The following NCOA6 variants were observed in gnomAD, a reference collection of about 807,000 sequenced individuals.
NCOA6 encodes nuclear receptor coactivator 6.
Under a neutral mutation model 171.4 loss-of-function variants are expected in NCOA6, and 49 were observed. That is an observed-to-expected ratio of 0.29 (90% CI 0.23 to 0.36). The LOEUF (loss-of-function observed/expected upper bound fraction) is 0.36, where lower values mean the gene tolerates loss of function less well. NCOA6 is among the 10% of genes least tolerant of loss of function. The pLI is 1.00. For synonymous variants in NCOA6, 910 were observed against 927.5 expected (o/e 0.98, Z 0.34); for missense variants, 2,248 against 2,554.5 (o/e 0.88, Z 2.59).
intron 11 of NCOA6, among the ~76,000 whole-genome samples, chr20:34,737,033 C>T (rs1232411424): frequency 6.6e-6 from 1 of 152,114 alleles, no homozygotes; most frequent in Non-Finnish European, 1.5e-5. Flanking sequence ...GAACATAGCA[C>T]TCACATTTTC....
At chr20:34,800,030 C>T (rs1033338920) in intron 1 of NCOA6, among the ~76,000 whole-genome samples, 1 of 152,128 alleles carries the variant, frequency 6.6e-6, no homozygotes, top group African/African-American at 2.4e-5. Context: ...ATAATAACTA[C>T]ATCAACTTTT....
chr20:34,779,304 A>G (rs1031496958), intron 3 of NCOA6, among the ~76,000 whole-genome samples: 1 of 152,062 alleles, frequency 6.6e-6, no homozygotes, highest in African/African-American at 2.4e-5. Context: ...TGAGCTCAGG[A>G]GTTTGAGATC....
chr20:34,783,904 G>A (rs2077586538), intron 2 of NCOA6, among the ~76,000 whole-genome samples: 4 of 151,906 alleles, frequency 2.6e-5, no homozygotes, highest in African/African-American at 9.7e-5. Flanking sequence ...AATTACAGGC[G>A]TGAGCCACCT....
At chr20:34,784,318 G>A (rs1262121435) in intron 2 of NCOA6, among the ~76,000 whole-genome samples, 1 of 151,498 alleles carries the variant, frequency 6.6e-6, no homozygotes, top group Non-Finnish European at 1.5e-5. Flanking sequence ...TCAACCTCCT[G>A]GGCTCAAGTG....
chr20:34,752,406 C>T (rs1257680227), intron 8 of NCOA6, among the ~76,000 whole-genome samples: 1 of 152,124 alleles, frequency 6.6e-6, no homozygotes, highest in East Asian at 1.9e-4. Flanking sequence ...TCATTAAGTA[C>T]CTGATACATA....
intron 9 of NCOA6, 137 bp downstream of exon 9, chr20:34,749,266 T>C (rs1482418131): frequency 9.1e-7 from 1 of 1,099,092 alleles, no homozygotes; most frequent in Non-Finnish European, 1.3e-6. Context: ...CAAGACAGAC[T>C]ATGAGTTGAT....
chr20:34,793,874 T>C (rs1407111129), intron 1 of NCOA6, among the ~76,000 whole-genome samples: 2 of 152,082 alleles, frequency 1.3e-5, no homozygotes, highest in Non-Finnish European at 2.9e-5. Context: ...TTTGGACAAA[T>C]GTATAAAAAT....
At chr20:34,716,665 ACT>A in intron 14 of NCOA6, among the ~76,000 whole-genome samples, 1 of 152,040 alleles carries the variant, frequency 6.6e-6, no homozygotes, top group East Asian at 1.9e-4. Context: ...TGGGAGGATC[ACT>A]TGAGCCCAGG....
rs774494173 is a variant in NCOA6, at chr20:34,757,380, C to G, written c.1368G>C (p.Arg456Ser). 1.2e-6 allele frequency: 2 copies of G among 1,613,918 alleles called. No homozygotes were observed. Among genetic ancestry groups the G allele is most frequent in the Admixed American group, 1.7e-5 (1 of 59,996 alleles). ...VNQTQQQMGP[R>S]PPQNNPLPQG... ...GGGGAAGTGGGTTATTTTGAGGTGG[C>G]CTTGGTCCCATCTGCTGCTGAGTTT... is the stretch of plus-strand genomic sequence containing the variant. The change falls in exon 7 of 15, where the codon AGG (arginine) becomes AGC (serine). Residue 456 changes from arginine (R) to serine (S), a missense_variant. By Grantham distance (110) the Arg-to-Ser change is moderately radical. This residue lies in a region of NCOA6 where 987 missense variants were observed against 1,104.7 expected (regional missense o/e 0.89). Transcript: ENST00000359003.
chr20:34,824,858 T>C (rs2079104125), intron 1 of NCOA6, among the ~76,000 whole-genome samples: 1 of 152,094 alleles, frequency 6.6e-6, no homozygotes, highest in African/African-American at 2.4e-5. Context: ...CCAGCGTCTG[T>C]ACCCAAAGGG....
intron 12 of NCOA6, among the ~76,000 whole-genome samples, chr20:34,734,863 G>A (rs184646135): frequency 2.2e-4 from 34 of 152,074 alleles, no homozygotes; most frequent in Admixed American, 2.0e-3. Context: ...GGTCTGGGTG[G>A]TCTCAAACTC....
Position 34,757,851 on chromosome 20 carries a change from T to C in NCOA6, c.897A>G (p.Pro299=), listed in dbSNP as rs1170057045. 1.2e-6 allele frequency: 2 copies of C among 1,614,002 alleles called. No homozygotes were observed. Among genetic ancestry groups the C allele is most frequent in the African/African-American group, 2.7e-5 (2 of 74,902 alleles). The part of the protein sequence containing the change: ...RPPQQHQQQQ[P]QGIRPQFTAP... ...CAGTAAACTGGGGTCGAATTCCCTG[T>C]GGCTGTTGCTGCTGATGTTGCTGTG... Residue 299 remains proline, a synonymous_variant, in exon 7 of 15, where the codon CCA becomes CCG. Coordinates refer to ENST00000359003, the MANE Select transcript of NCOA6 (RefSeq NM_014071.5).
In NCOA6 at chr20:34,749,954, T is replaced by C. The variant is rs148514800; in HGVS notation, c.2241A>G (p.Pro747=). 7 of 1,614,088 alleles carry C rather than the reference T, an allele frequency of 4.3e-6. No individual in the cohort carries two copies. The highest frequency in any genetic ancestry group is 1.3e-5 in the African/African-American group (1 of 74,942). Reference sequence around the variant, plus strand: ...CCATATTTCCTTGCATGTTTGGAGTTGGTCCCCTCATTATCTGGGCTGGTC... The same window carrying C: ...CCATATTTCCTTGCATGTTTGGAGTCGGTCCCCTCATTATCTGGGCTGGTC... ...MPGPAQIMRG[P]TPNMQGNMVQ... The change falls in exon 9 of 15, where the codon CCA becomes CCG. Residue 747 remains proline, a synonymous_variant. Transcript: ENST00000359003.
intron 10 of NCOA6, among the ~76,000 whole-genome samples, chr20:34,745,346 A>T (rs1402278032): frequency 6.6e-6 from 1 of 152,220 alleles, no homozygotes; most frequent in Non-Finnish European, 1.5e-5. Flanking sequence ...AAGGCAATAA[A>T]TGTATACAAA....
At chr20:34,818,525 A>G (rs1456926775) in intron 1 of NCOA6, among the ~76,000 whole-genome samples, 2 of 152,284 alleles carry the variant, frequency 1.3e-5, no homozygotes, top group South Asian at 2.1e-4. Flanking sequence ...CAACACCCTT[A>G]TAACAATCCT....
intron 1 of NCOA6, among the ~76,000 whole-genome samples, chr20:34,808,961 G>C (rs1250901750): frequency 6.6e-6 from 1 of 152,180 alleles, no homozygotes; most frequent in Non-Finnish European, 1.5e-5. Context: ...GACAGAGAGA[G>C]AGGCAGCTGA....
Position 34,742,676 on chromosome 20 carries a change from C to T in NCOA6, c.3580G>A (p.Gly1194Ser), listed in dbSNP as rs752349311. The T allele has an allele frequency of 4.3e-6, 7 of 1,614,034 alleles. No individual in the cohort carries two copies. Among genetic ancestry groups the T allele is most frequent in the Non-Finnish European group, 5.1e-6 (6 of 1,180,024 alleles). ...PPVNSLPSSH[G>S]HHFPNVAAPT... ...GCAGCCACATTTGGGAAGTGGTGGC[C>T]GTGAGAGCTGGGCAGGGAATTTACA... is the stretch of plus-strand genomic sequence containing the variant. Residue 1194 changes from glycine to serine, a missense_variant, in exon 11 of 15, where the codon GGC (glycine) becomes AGC (serine). By Grantham distance (56) the Gly-to-Ser change is moderately conservative (BLOSUM62 0). Around this residue, in one of 7 missense-constraint regions of NCOA6, gnomAD observed 352 missense variants for 419.1 expected, o/e 0.84. Coordinates refer to ENST00000359003, the MANE Select transcript of NCOA6 (RefSeq NM_014071.5).
intron 4 of NCOA6, among the ~76,000 whole-genome samples, chr20:34,770,364 C>A (rs767748173): frequency 1.3e-5 from 2 of 151,958 alleles, no homozygotes; most frequent in Non-Finnish European, 2.9e-5. Flanking sequence ...GGGAGGTTCA[C>A]TGGTCACAGG....
intron 5 of NCOA6, among the ~76,000 whole-genome samples, chr20:34,767,843 A>C (rs1433267582): frequency 6.6e-6 from 1 of 152,102 alleles, no homozygotes; most frequent in Non-Finnish European, 1.5e-5. Context: ...TCGCTCCTTG[A>C]CCCTGGGCAA....
Sources: allele counts gnomAD v4.1 joint callset (sites outside exome capture counted in the v4.1 genomes callset), GRCh38; gene constraint gnomAD v4.1.1; regional missense constraint gnomAD v4.1.1; transcripts MANE v1.5; gene names NCBI Gene and HGNC (gene_info 2026-07-23, HGNC 2026-07-21).